Variants in COPS3 observed in about 807,000 individuals in gnomAD.
The protein encoded by COPS3 is COP9 signalosome complex subunit 3.
COPS3 carries 10 observed loss-of-function variants against 58.2 expected under a neutral mutation model. The observed-to-expected ratio is 0.17, with a 90% CI of 0.11 to 0.29. The LOEUF (loss-of-function observed/expected upper bound fraction) is 0.29, where lower values mean the gene tolerates loss of function less well. Ranked by LOEUF, COPS3 falls within the 10% of genes least tolerant of loss-of-function variation. COPS3 has a pLI of 1.00. For missense variants in COPS3, 333 were observed against 510.1 expected, an observed-to-expected ratio of 0.65 and a Z score of 3.34; for synonymous variants, 187 against 181.7, an observed-to-expected ratio of 1.03 and a Z score of -0.24.
At chr17:17,280,926 C>G (rs2048570609) in intron 1 of COPS3, 1 of 878,496 alleles carries the variant, frequency 1.1e-6, no homozygotes, top group South Asian at 1.9e-5. Flanking sequence ...GGGAGGCCGG[C>G]CGGCGAGGAC....
chr17:17,266,774 G>A (rs1458364354), intron 5 of COPS3, among the ~76,000 whole-genome samples: 1 of 151,428 alleles, frequency 6.6e-6, no homozygotes, highest in African/African-American at 2.4e-5. Context: ...ACTCCAGCCT[G>A]GGCAACAGAG....
In COPS3 at chr17:17,257,698, G is replaced by A. The variant is rs564548066; in HGVS notation, c.936+2603C>T. Among the ~76,000 whole-genome samples the A allele has an allele frequency of 5.3e-5, 8 of 151,422 alleles. No homozygotes were observed. The South Asian group carries it at 1.7e-3, about 32-fold the overall frequency. ...TGTAGTCCCAGCTACTCGGGAGGCT[G>A]AGGCAGGAGAATGGCGTGAACCCGG... On this transcript the variant is annotated intron_variant, in intron 8 of 11. Transcript: ENST00000268717.
At chr17:17,281,004 C>A (rs767465479) in intron 1 of COPS3, 128 bp downstream of exon 1, 31 of 1,156,908 alleles carry the variant, frequency 2.7e-5, no homozygotes, top group Non-Finnish European at 3.5e-5. Flanking sequence ...ACGCCGCAAC[C>A]CCAAGCCCGG....
intron 9 of COPS3, 41 bp downstream of exon 9, chr17:17,254,814 GAAAA>G (rs71152853): frequency 1.3e-4 from 104 of 822,448 alleles, no homozygotes; most frequent in Admixed American, 2.5e-4. Flanking sequence ...ATCTCAAAAA[GAAAA>G]AAAAAAAAAA....
intron 1 of COPS3, 75 bp downstream of exon 1, chr17:17,281,057 T>C: frequency 1.3e-6 from 2 of 1,499,228 alleles, no homozygotes; most frequent in Admixed American, 3.9e-5. Context: ...GTTCCAGCCG[T>C]CCGTGCTGGC....
chr17:17,281,196 C>A lies in COPS3; in HGVS notation c.-10G>T. 6.2e-7 allele frequency: 1 copy of A among 1,608,762 alleles called. No homozygotes were observed. The highest frequency in any genetic ancestry group is 8.5e-7 in the Non-Finnish European group (1 of 1,177,876). On this transcript the variant is annotated 5_prime_UTR_variant, in exon 1 of 12. Coordinates refer to ENST00000268717, the MANE Select transcript of COPS3 (RefSeq NM_003653.4). The stretch of plus-strand genomic sequence containing the variant: ...CCAGGGCAGACGCCATGTTTTCCCC[C>A]GGGCGGCCCGAGCGGCGAAGGCAGC...
chr17:17,266,384 G>T (rs1567856465), intron 5 of COPS3, among the ~76,000 whole-genome samples: 1 of 152,166 alleles, frequency 6.6e-6, no homozygotes, highest in Non-Finnish European at 1.5e-5. Context: ...GGATACACGA[G>T]AAATAACTAA....
At chr17:17,275,204 C>T (rs1185854501) in intron 2 of COPS3, among the ~76,000 whole-genome samples, 1 of 150,742 alleles carries the variant, frequency 6.6e-6, no homozygotes, top group Non-Finnish European at 1.5e-5. Flanking sequence ...AATTCTCATG[C>T]CTCAGCCACC....
At chr17:17,256,689 G>C (rs566951357) in intron 8 of COPS3, among the ~76,000 whole-genome samples, 1 of 152,212 alleles carries the variant, frequency 6.6e-6, no homozygotes, top group East Asian at 1.9e-4. Flanking sequence ...CAGTTCAAGG[G>C]AACCTCCTGT....
chr17:17,256,328 G>A (rs2047975134), intron 8 of COPS3, among the ~76,000 whole-genome samples: 1 of 152,066 alleles, frequency 6.6e-6, no homozygotes. Context: ...TTTGAATTTT[G>A]TATTATAAAT....
intron 9 of COPS3, among the ~76,000 whole-genome samples, chr17:17,251,027 C>T (rs570943324): frequency 4.6e-5 from 7 of 152,318 alleles, no homozygotes; most frequent in Admixed American, 2.6e-4. Context: ...AAGAGTCTTG[C>T]ACTGTTGCCC....
At chr17:17,267,789 G>A (rs2048261115) in intron 5 of COPS3, 96 bp downstream of exon 5, 6 of 1,244,372 alleles carry the variant, frequency 4.8e-6, no homozygotes, top group East Asian at 2.4e-5. Flanking sequence ...TCACAATATC[G>A]CCAACTTGCC....
chr17:17,256,499 C>T (rs1410198110), intron 8 of COPS3, among the ~76,000 whole-genome samples: 1 of 152,078 alleles, frequency 6.6e-6, no homozygotes, highest in Non-Finnish European at 1.5e-5. Context: ...TGAAAATGAC[C>T]CCTTTCAGAA....
intron 6 of COPS3, among the ~76,000 whole-genome samples, chr17:17,263,510 C>CTTTTTTT (rs34755381): frequency 4.0e-5 from 4 of 98,886 alleles, no homozygotes; most frequent in African/African-American, 1.6e-4. Flanking sequence ...CTTGCCTTTT[C>CTTTTTTT]TTTTTTTTTT....
chr17:17,247,586 G>A (rs1449164973), intron 10 of COPS3, 26 bp from the exon 11 acceptor site: 3 of 1,612,098 alleles, frequency 1.9e-6, no homozygotes, highest in Non-Finnish European at 2.5e-6. Flanking sequence ...ATTAGAAGGT[G>A]GTCAGCGGCG....
At chr17:17,260,867 C>T (rs2048082308) in intron 7 of COPS3, among the ~76,000 whole-genome samples, 1 of 151,332 alleles carries the variant, frequency 6.6e-6, no homozygotes, top group South Asian at 2.1e-4. Flanking sequence ...GTATAGGAAG[C>T]AAAAACACAC....
At chr17:17,279,707 G>A (rs2048534984) in intron 1 of COPS3, among the ~76,000 whole-genome samples, 1 of 152,156 alleles carries the variant, frequency 6.6e-6, no homozygotes, top group Non-Finnish European at 1.5e-5. Flanking sequence ...ACAATAATTT[G>A]CAGCTATATT....
chr17:17,281,120 C>T lies in COPS3; in HGVS notation c.55+12G>A. 6.2e-7 allele frequency: 1 copy of T among 1,607,346 alleles called. No individual in the cohort carries two copies. The highest frequency in any genetic ancestry group is 2.2e-5 in the East Asian group (1 of 44,732). ...ACCCGCCCATGCCCAGCCCGGCGGC[C>T]TAGGGCGTTACCTTGAGCTGAGAGC... On this transcript the variant is annotated intron_variant, in intron 1 of 11. Coordinates refer to ENST00000268717, the MANE Select transcript of COPS3 (RefSeq NM_003653.4).
intron 1 of COPS3, among the ~76,000 whole-genome samples, chr17:17,277,456 C>A (rs1049219977): frequency 6.6e-6 from 1 of 152,186 alleles, no homozygotes; most frequent in Admixed American, 6.6e-5. Context: ...CTCATTCTGT[C>A]GCTCAGGCTG....
Sources: gnomAD v4.1 joint callset for allele counts (sites outside exome capture counted in the v4.1 genomes callset) on GRCh38, gnomAD v4.1.1 for gene constraint, MANE v1.5 for transcripts, NCBI Gene and HGNC (gene_info 2026-07-23, HGNC 2026-07-21) for gene names.